The following MFSD1 variants were observed in gnomAD, a reference collection of about 807,000 sequenced individuals.
MFSD1 encodes the protein lysosomal dipeptide transporter MFSD1.
A neutral mutation model predicts 67.1 loss-of-function variants in MFSD1; 59 were observed. The ratio of observed to expected loss-of-function variants is 0.88; its 90% confidence interval spans 0.71 to 1.09. The LOEUF is 1.09. MFSD1 is among the 50% of genes least tolerant of loss of function. The pLI is 0.00. For missense variants in MFSD1, 552 were observed against 566.1 expected (o/e 0.97, Z 0.25); for synonymous variants, 213 against 200.3 (o/e 1.06, Z -0.54).
chr3:158,808,537 C>T (rs1444061219), intron 5 of MFSD1, among the ~76,000 whole-genome samples: 10 of 152,170 alleles, frequency 6.6e-5, no homozygotes, highest in African/African-American at 2.4e-4. Context: ...GCATGGACCA[C>T]TTTTCCCACA....
chr3:158,819,626 C>CTTTTTTTTT (rs58055234), intron 7 of MFSD1, 23 bp from the exon 8 acceptor site: 1 of 1,011,848 alleles, frequency 9.9e-7, no homozygotes. Context: ...GTCTGTTTTT[C>CTTTTTTTTT]TTTTTTTTTT....
chr3:158,812,355 CTT>C (rs750376859), intron 6 of MFSD1, among the ~76,000 whole-genome samples: 2 of 152,190 alleles, frequency 1.3e-5, no homozygotes, highest in Non-Finnish European at 2.9e-5. Flanking sequence ...ATAAAATCAT[CTT>C]ACATGGACGC....
chr3:158,815,071 A>G (rs1486708059), intron 7 of MFSD1, among the ~76,000 whole-genome samples: 1 of 152,220 alleles, frequency 6.6e-6, no homozygotes, highest in Non-Finnish European at 1.5e-5. Context: ...GGCAAGAGCA[A>G]AACTCTGTCT....
At chr3:158,821,697 A>G (rs1548093) in intron 10 of MFSD1, 44 bp downstream of exon 10, 234,330 of 1,441,750 alleles carry the variant, frequency 0.16, 20,920 homozygotes, top group African/African-American at 0.29. Flanking sequence ...CATGTGAAGT[A>G]TGGGTCTTTA....
intron 5 of MFSD1, among the ~76,000 whole-genome samples, chr3:158,807,696 A>C (rs1729797665): frequency 6.6e-6 from 1 of 152,216 alleles, no homozygotes; most frequent in Non-Finnish European, 1.5e-5. Context: ...AGTTCTCTGG[A>C]AATGATATTT....
At chr3:158,803,846 G>A (rs1263152581) in intron 1 of MFSD1, among the ~76,000 whole-genome samples, 1 of 151,732 alleles carries the variant, frequency 6.6e-6, no homozygotes, top group African/African-American at 2.4e-5. Flanking sequence ...TTTGATTTTG[G>A]GTAGTTTGTA....
chr3:158,827,980 CAG>C (rs1731098247), intron 15 of MFSD1, among the ~76,000 whole-genome samples: 1 of 90,622 alleles, frequency 1.1e-5, no homozygotes, highest in Non-Finnish European at 2.3e-5. Context: ...GAGAGAGAGA[CAG>C]AGATCGATCT....
intron 2 of MFSD1, 41 bp downstream of exon 2, chr3:158,804,412 G>A: frequency 6.4e-7 from 1 of 1,559,006 alleles, no homozygotes; most frequent in South Asian, 1.1e-5. Flanking sequence ...GTTTTCTTTA[G>A]AGCAAGTGTA....
chr3:158,815,774 G>A (rs985860197), intron 7 of MFSD1, among the ~76,000 whole-genome samples: 2 of 151,346 alleles, frequency 1.3e-5, no homozygotes, highest in South Asian at 2.1e-4. Flanking sequence ...TTTAGCATTA[G>A]GTATATCTCC....
intron 3 of MFSD1, 34 bp downstream of exon 3, chr3:158,805,508 C>A (rs1409072503): frequency 6.9e-7 from 1 of 1,443,214 alleles, no homozygotes; most frequent in African/African-American, 1.4e-5. Flanking sequence ...GTAAATCTTA[C>A]CTGATTGTTA....
chr3:158,809,107 CT>C, intron 5 of MFSD1, 71 bp from the exon 6 acceptor site: 2 of 1,171,172 alleles, frequency 1.7e-6, no homozygotes, highest in South Asian at 3.0e-5. Context: ...CATTTTAAAC[CT>C]GCTGCATTGC....
chr3:158,820,193 T>C (rs760531366), intron 8 of MFSD1, 22 bp from the exon 9 acceptor site: 42 of 1,351,218 alleles, frequency 3.1e-5, no homozygotes, highest in Admixed American at 5.1e-5. Context: ...ATGCTGATAG[T>C]GTCTTCCCTT....
In MFSD1 at chr3:158,821,600, T is replaced by G; in HGVS notation, c.867T>G (p.Val289=). The G allele has an allele frequency of 6.2e-7, 1 of 1,604,920 alleles. No homozygotes were observed. The highest frequency in any genetic ancestry group is 8.5e-7 in the Non-Finnish European group (1 of 1,173,716). ...TTCTCTGTCTTTTTAATTTTAGAGT[T>G]TTCTTTACAGAGAAATTTGGATTTT... is the stretch of plus-strand genomic sequence containing the variant. ...AVFPFIGLGK[V]FFTEKFGFSS... The change falls in exon 10 of 16, where the codon GTT becomes GTG. Residue 289 remains valine (V), a synonymous_variant. Coordinates refer to ENST00000415822, the MANE Select transcript of MFSD1 (RefSeq NM_022736.4).
In MFSD1 at chr3:158,829,157, C is replaced by G. The variant is rs1559927209; in HGVS notation, c.*175C>G. ...TTGTGAGGCCTGTTTTAGCCTGTGT[C>G]TTTTGTATTGTGTGTTGCTAAAGAA... On this transcript the variant is annotated 3_prime_UTR_variant, in exon 16 of 16. Transcript: ENST00000415822. 1.5e-5 allele frequency: 7 copies of G among 454,194 alleles called. No individual in the cohort carries two copies. The highest frequency in any genetic ancestry group is 6.2e-5 in the South Asian group (1 of 16,146). 28.1% of individuals were successfully genotyped at this position (454,194 alleles called of 1,614,324 possible). A position where few individuals can be genotyped will look rare whatever the true frequency, so the allele number is the denominator to read the frequency against.
intron 7 of MFSD1, among the ~76,000 whole-genome samples, chr3:158,816,894 T>C (rs1176182376): frequency 6.7e-6 from 1 of 150,312 alleles, no homozygotes; most frequent in Non-Finnish European, 1.5e-5. Flanking sequence ...CCAGCACCAT[T>C]TATTAAATAG....
chr3:158,828,783 A>T (rs1418132695), intron 15 of MFSD1, among the ~76,000 whole-genome samples, 196 bp from the exon 16 acceptor site: 1 of 152,104 alleles, frequency 6.6e-6, no homozygotes, highest in Non-Finnish European at 1.5e-5. Context: ...AAAACTCAGA[A>T]TATTTTTCAA....
chr3:158,822,029 C>T lies in MFSD1; in HGVS notation c.966C>T (p.Leu322=). 1 of 1,613,892 alleles carries T rather than the reference C, an allele frequency of 6.2e-7. No individual in the cohort carries two copies. The highest frequency in any genetic ancestry group is 8.5e-7 in the Non-Finnish European group (1 of 1,179,852). Residue 322 remains leucine (L), a synonymous_variant, in exon 11 of 16, where the codon CTC becomes CTT. Coordinates refer to ENST00000415822, the MANE Select transcript of MFSD1 (RefSeq NM_022736.4). ...CTCCCATGTCCCCGGTGTTTGGGCTCCTGGTGGATAAAACAGGGAAGAACA... is the reference window on the plus strand; with the variant it reads ...CTCCCATGTCCCCGGTGTTTGGGCTTCTGGTGGATAAAACAGGGAAGAACA... The part of the protein sequence containing the change: ...ISAPMSPVFG[L]LVDKTGKNII...
chr3:158,802,065 C>A lies in MFSD1; in HGVS notation c.-88C>A. 6.4e-7 allele frequency: 1 copy of A among 1,554,872 alleles called. No individual in the cohort carries two copies. The highest frequency in any genetic ancestry group is 8.7e-7 in the Non-Finnish European group (1 of 1,155,878). ...ACGTGAGCTCCCGGAGTCATGTGAC[C>A]GCCGTCTTGACAGTGTTCCACGGGC... On this transcript the variant is annotated 5_prime_UTR_variant, in exon 1 of 16. Transcript: ENST00000415822.
At chr3:158,820,194 G>A (rs1730600819) in intron 8 of MFSD1, 21 bp from the exon 9 acceptor site, 1 of 1,375,650 alleles carries the variant, frequency 7.3e-7, no homozygotes, top group Non-Finnish European at 1.0e-6. Context: ...TGCTGATAGT[G>A]TCTTCCCTTT....
Sources: allele counts gnomAD v4.1 joint callset (sites outside exome capture counted in the v4.1 genomes callset), GRCh38; gene constraint gnomAD v4.1.1; transcripts MANE v1.5; gene names NCBI Gene and HGNC (gene_info 2026-07-23, HGNC 2026-07-21).